The following RPS6KA2 variants were observed in gnomAD, a reference collection of about 807,000 sequenced individuals.
The protein encoded by RPS6KA2 is ribosomal protein S6 kinase alpha-2.
Under a neutral mutation model 91.8 loss-of-function variants are expected in RPS6KA2, and 42 were observed. The ratio of observed to expected loss-of-function variants is 0.46; its 90% CI spans 0.36 to 0.59. The LOEUF is 0.59. RPS6KA2 is among the 20% of genes least tolerant of loss of function. The pLI, the probability that RPS6KA2 is intolerant of heterozygous loss-of-function variation, is 0.00. For synonymous variants in RPS6KA2, 414 were observed against 393.6 expected, an observed-to-expected ratio of 1.05 and a Z score of -0.61; for missense variants, 798 against 978.5, an observed-to-expected ratio of 0.82 and a Z score of 2.46.
At position 166,638,023 on chromosome 6, in the gene RPS6KA2, C is replaced by T. The variant is rs986751752; in HGVS notation, c.124-99239G>A. 2.6e-5 allele frequency among the ~76,000 whole-genome samples: 4 copies of T among 152,270 alleles called. No homozygotes were observed. In the South Asian group the frequency reaches 8.3e-4, roughly 31 times the overall value. ...TCCTCTGGGAGTTTGTGGCCACAGC[C>T]AGCCTTCGCCCAGGGGCACGGCCTC... On this transcript the variant is annotated intron_variant, in intron 2 of 21. Coordinates refer to the RPS6KA2 transcript ENST00000503859.
intron 2 of RPS6KA2, among the ~76,000 whole-genome samples, chr6:166,819,368 T>C (rs1779846483): frequency 6.6e-6 from 1 of 152,106 alleles, no homozygotes; most frequent in Non-Finnish European, 1.5e-5. Flanking sequence ...TACCTCAGGG[T>C]CTGTTGGGGA....
At chr6:166,727,512 AC>A in intron 2 of RPS6KA2, among the ~76,000 whole-genome samples, 1 of 152,068 alleles carries the variant, frequency 6.6e-6, no homozygotes, top group East Asian at 1.9e-4. Flanking sequence ...AAGCACCGGC[AC>A]TGTAATGTGC....
intron 10 of RPS6KA2, 150 bp from the exon 11 acceptor site, chr6:166,470,055 C>A (rs111494736): frequency 4.4e-6 from 3 of 685,612 alleles, no homozygotes; most frequent in South Asian, 1.7e-5. Context: ...AAGGCACCTG[C>A]GCACCTGCCG....
intron 2 of RPS6KA2, among the ~76,000 whole-genome samples, chr6:166,837,525 G>A (rs776295810): frequency 6.6e-6 from 1 of 152,146 alleles, no homozygotes; most frequent in Non-Finnish European, 1.5e-5. Flanking sequence ...AGGGCTCCCC[G>A]CTCCTGCCTA....
intron 3 of RPS6KA2, among the ~76,000 whole-genome samples, chr6:166,511,206 G>A (rs1782469639): frequency 6.6e-6 from 1 of 152,106 alleles, no homozygotes; most frequent in Non-Finnish European, 1.5e-5. Flanking sequence ...TTTGTAACAA[G>A]AACCTGTGGG....
At chr6:166,594,419 C>T (rs900795064) in intron 1 of RPS6KA2, among the ~76,000 whole-genome samples, 1 of 151,792 alleles carries the variant, frequency 6.6e-6, no homozygotes, top group Non-Finnish European at 1.5e-5. Context: ...AAAATTGTCA[C>T]GTGAAAAAAC....
chr6:166,470,942 C>A (rs975388279), intron 10 of RPS6KA2, among the ~76,000 whole-genome samples: 1 of 152,202 alleles, frequency 6.6e-6, no homozygotes, highest in Non-Finnish European at 1.5e-5. Context: ...TCCCGGGTCA[C>A]GAATCCGAGA....
chr6:166,524,314 A>C (rs1307985236), intron 3 of RPS6KA2, among the ~76,000 whole-genome samples: 1 of 152,226 alleles, frequency 6.6e-6, no homozygotes, highest in Non-Finnish European at 1.5e-5. Flanking sequence ...GTGCAGTCCT[A>C]TCAGAAAAAT....
rs111069598 is a variant in RPS6KA2 at position 166,466,894 on chromosome 6, A to C, written c.972+2947T>G. On this transcript the variant is annotated intron_variant, in intron 11 of 20. Transcript: ENST00000265678. ...CATTCACTCACTCACTCATTCACTC[A>C]CTCCCTCATTCACTCATTCCTTCAC... Among the ~76,000 whole-genome samples, 75 of 26,486 alleles carry C rather than the reference A, an allele frequency of 2.8e-3. No homozygotes were observed. In the African/African-American group the frequency reaches 0.032, roughly 11 times the overall value. The allele number at this position is 26,486 out of a possible 152,430, so 17.4% of individuals were successfully genotyped here.
At position 166,411,971 on chromosome 6, in the gene RPS6KA2, G is replaced by C. The variant is rs1304344293; in HGVS notation, c.*791C>G. 6.6e-6 allele frequency: 1 copy of C among 152,308 alleles called. No individual in the cohort carries two copies. Among genetic ancestry groups the C allele is most frequent in the East Asian group, 1.9e-4 (1 of 5,194 alleles). The allele number at this position is 152,308 out of a possible 1,614,324, so 9.4% of individuals were successfully genotyped here. On this transcript the variant is annotated 3_prime_UTR_variant, in exon 21 of 21. Coordinates refer to ENST00000265678, the MANE Select transcript of RPS6KA2 (RefSeq NM_021135.6). The surrounding 1 kb of genome is among the most constrained non-coding windows in gnomAD (Gnocchi z 4.5). ...ATAGCTGTGTGGCCACGGGAGCTGG[G>C]GACAGACGGCAGCCCAGTGCGCTTG...
At chr6:166,655,136 A>C (rs1003346964) in intron 2 of RPS6KA2, among the ~76,000 whole-genome samples, 1 of 152,238 alleles carries the variant, frequency 6.6e-6, no homozygotes, top group Non-Finnish European at 1.5e-5. Context: ...TTGTTCATAT[A>C]TATTGAATAT....
intron 2 of RPS6KA2, among the ~76,000 whole-genome samples, chr6:166,819,284 T>C (rs965139486): frequency 2.6e-5 from 4 of 152,216 alleles, no homozygotes; most frequent in East Asian, 1.9e-4. Context: ...TATATAAATA[T>C]TTATTTTTAC....
At chr6:166,731,296 C>T (rs151151738) in intron 2 of RPS6KA2, among the ~76,000 whole-genome samples, 145 of 152,184 alleles carry the variant, frequency 9.5e-4, no homozygotes, top group African/African-American at 3.3e-3. Context: ...AATGAAGAGG[C>T]AAGTATGTTC....
At chr6:166,663,731 G>C (rs1330288354) in intron 2 of RPS6KA2, among the ~76,000 whole-genome samples, 1 of 152,202 alleles carries the variant, frequency 6.6e-6, no homozygotes, top group Admixed American at 6.5e-5. Flanking sequence ...GGAAGTTGGG[G>C]AGGAGGAGGA....
In RPS6KA2 at chr6:166,504,617, T is replaced by C. The variant is rs1052408330; in HGVS notation, c.460-5A>G. 1.9e-6 allele frequency: 3 copies of C among 1,595,096 alleles called. No individual in the cohort carries two copies. The highest frequency in any genetic ancestry group is 2.6e-6 in the Non-Finnish European group (3 of 1,171,478). On this transcript the variant is annotated splice_region_variant and splice_polypyrimidine_tract_variant and intron_variant, in intron 5 of 20. Transcript: ENST00000265678. Reference sequence around the variant, plus strand: ...ATCCTCCTCCGTGAACATGACCTAGTAAGAAAAAAACAAAAACAAAAACAA... The same window carrying C: ...ATCCTCCTCCGTGAACATGACCTAGCAAGAAAAAAACAAAAACAAAAACAA...
intron 14 of RPS6KA2, among the ~76,000 whole-genome samples, chr6:166,442,013 G>T (rs1242377493): frequency 6.6e-6 from 1 of 152,208 alleles, no homozygotes; most frequent in Non-Finnish European, 1.5e-5. Context: ...GGCCCACTTG[G>T]TGGCAGCAGG....
rs544004088 is a variant in RPS6KA2 at position 166,445,973 on chromosome 6, A to G, written c.1332+2751T>C. ...AACTTTGCTGTTTCTTAGTCCATCA[A>G]TAGGTGGGGATGCTGCTTCTCATGA... On this transcript the variant is annotated intron_variant, in intron 14 of 20. Transcript: ENST00000265678. The surrounding 1 kb of genome is among the most constrained non-coding windows in gnomAD (Gnocchi z 4.5). 6.6e-6 allele frequency among the ~76,000 whole-genome samples: 1 copy of G among 152,220 alleles called. No individual in the cohort carries two copies. Among genetic ancestry groups the G allele is most frequent in the Admixed American group, 6.5e-5 (1 of 15,292 alleles).
rs576883444 is a variant in RPS6KA2 at position 166,553,512 on chromosome 6, T to C, written c.100-14728A>G. Reference sequence around the variant, plus strand: ...ATGCTTGGGAAAGAAACAGGAGTCATTTAAAAAAAAAAAAAAAGGCACCCA... The same window carrying C: ...ATGCTTGGGAAAGAAACAGGAGTCACTTAAAAAAAAAAAAAAAGGCACCCA... On this transcript the variant is annotated intron_variant, in intron 1 of 20. Coordinates refer to ENST00000265678, the MANE Select transcript of RPS6KA2 (RefSeq NM_021135.6). Among the ~76,000 whole-genome samples the C allele has an allele frequency of 9.7e-3, 1,380 of 142,884 alleles. 7 individuals are homozygous for C. The highest frequency in any genetic ancestry group is 0.014 in the Non-Finnish European group (958 of 66,608). The allele number at this position is 142,884 out of a possible 152,430, so 93.7% of individuals were successfully genotyped here. A position where few individuals can be genotyped will look rare whatever the true frequency, so the allele number is the denominator to read the frequency against.
Position 166,554,501 on chromosome 6 carries a change from C to T in RPS6KA2, c.100-15717G>A, listed in dbSNP as rs1321392370. Among the ~76,000 whole-genome samples the T allele has an allele frequency of 1.3e-5, 2 of 152,242 alleles. No individual in the cohort carries two copies. Among genetic ancestry groups the T allele is most frequent in the East Asian group, 3.8e-4 (2 of 5,200 alleles). Reference sequence around the variant, plus strand: ...TTCTGTTCCCTTTCTATTCCTCTTCCCAGCTCCGGATGTGCATCCTGTGTG... The same window carrying T: ...TTCTGTTCCCTTTCTATTCCTCTTCTCAGCTCCGGATGTGCATCCTGTGTG... On this transcript the variant is annotated intron_variant, in intron 1 of 20. Coordinates refer to ENST00000265678, the MANE Select transcript of RPS6KA2 (RefSeq NM_021135.6). The surrounding 1 kb of genome is among the most constrained non-coding windows in gnomAD (Gnocchi z 4.3).
Sources: gnomAD v4.1 joint callset for allele counts (sites outside exome capture counted in the v4.1 genomes callset) on GRCh38, gnomAD v4.1.1 for gene constraint, Gnocchi (gnomAD v3.1) non-coding constraint, MANE v1.5 for transcripts, NCBI Gene and HGNC (gene_info 2026-07-23, HGNC 2026-07-21) for gene names.